FAM227B: variants seen among roughly 807,000 people sequenced by gnomAD.
FAM227B encodes the protein protein FAM227B.
FAM227B carries 88 observed loss-of-function variants against 73.8 expected under a neutral mutation model. That is an observed-to-expected ratio of 1.19 (90% confidence interval 1.00 to 1.42). The LOEUF (loss-of-function observed/expected upper bound fraction) is 1.42. Among genes scored for constraint, FAM227B ranks in the 40% most tolerant of loss-of-function variants. The probability of loss-of-function intolerance (pLI) is 0.00; values close to 1 mark genes in which losing one functional copy is unlikely to be tolerated. For synonymous variants in FAM227B, 210 were observed against 190.5 expected, an observed-to-expected ratio of 1.10 and a Z score of -0.84; for missense variants, 632 against 590.9, an observed-to-expected ratio of 1.07 and a Z score of -0.72.
intron 11 of FAM227B, among the ~76,000 whole-genome samples, chr15:49,491,164 A>T (rs2057054879): frequency 6.6e-6 from 1 of 151,936 alleles, no homozygotes; most frequent in Non-Finnish European, 1.5e-5. Flanking sequence ...ACATCCATTC[A>T]GATTCATCTC....
intron 10 of FAM227B, among the ~76,000 whole-genome samples, chr15:49,517,951 T>C (rs1278252743): frequency 6.6e-6 from 1 of 152,224 alleles, no homozygotes. Flanking sequence ...AACCATATTG[T>C]TGTATATAGA....
intron 11 of FAM227B, among the ~76,000 whole-genome samples, chr15:49,442,229 A>G (rs990841094): frequency 2.4e-4 from 37 of 151,350 alleles, no homozygotes; most frequent in African/African-American, 8.5e-4. Context: ...TCTATTCACT[A>G]TTTTTCCTAG....
At chr15:49,521,067 T>C (rs11631904) in intron 10 of FAM227B, among the ~76,000 whole-genome samples, 48,119 of 152,092 alleles carry the variant, frequency 0.32, 8,201 homozygotes, top group African/African-American at 0.42. Context: ...AGCCAGATTG[T>C]GCATGTGTGT....
intron 11 of FAM227B, among the ~76,000 whole-genome samples, chr15:49,433,414 A>T (rs2050792541): frequency 6.6e-6 from 1 of 151,708 alleles, no homozygotes; most frequent in African/African-American, 2.4e-5. Flanking sequence ...AGAGGGGAGA[A>T]AGATTAGTGA....
At chr15:49,548,575 T>C (rs1237275023) in intron 9 of FAM227B, among the ~76,000 whole-genome samples, 1 of 152,202 alleles carries the variant, frequency 6.6e-6, no homozygotes, top group African/African-American at 2.4e-5. Context: ...CCTCTCTTTT[T>C]TGGAAATAGT....
chr15:49,465,621 C>G (rs2054202306), intron 11 of FAM227B, among the ~76,000 whole-genome samples: 1 of 151,962 alleles, frequency 6.6e-6, no homozygotes. Context: ...ATTGAAAAAC[C>G]AGAGATATTT....
At chr15:49,397,585 G>C (rs2047778568) in intron 11 of FAM227B, among the ~76,000 whole-genome samples, 1 of 152,076 alleles carries the variant, frequency 6.6e-6, no homozygotes, top group Non-Finnish European at 1.5e-5. Context: ...AAAATGTTAA[G>C]GGCAGCTAGA....
intron 11 of FAM227B, among the ~76,000 whole-genome samples, chr15:49,499,873 A>C (rs2057995276): frequency 6.6e-6 from 1 of 152,206 alleles, no homozygotes; most frequent in Admixed American, 6.5e-5. Flanking sequence ...TAGAGACCTA[A>C]AAGTAAGAGC....
At chr15:49,590,051 A>T in intron 3 of FAM227B, 44 bp from the exon 4 acceptor site, 1 of 978,226 alleles carries the variant, frequency 1.0e-6, no homozygotes. Context: ...AGTCATTTTT[A>T]ATGAATTTAA....
chr15:49,396,730 G>A (rs1024691132), intron 11 of FAM227B, among the ~76,000 whole-genome samples: 1 of 148,918 alleles, frequency 6.7e-6, no homozygotes, highest in Admixed American at 6.7e-5. Flanking sequence ...CCCCCCAGCA[G>A]GGGCACACTG....
rs528002022 is a variant in FAM227B at position 49,444,292 on chromosome 15, TTC to T, written c.1012+63917_1012+63918del. Among the ~76,000 whole-genome samples the T allele has an allele frequency of 1.9e-3, 281 of 151,890 alleles. 2 individuals carry two copies. Among genetic ancestry groups the T allele is most frequent in the African/African-American group, 6.4e-3 (267 of 41,512 alleles). ...ATCCAGCTATTTAGCCCAGTGTTTC[TTC>T]TTTTTAACATTTTAACATTTCAGTA... On this transcript the variant is annotated intron_variant, in intron 11 of 15. Coordinates refer to ENST00000299338, the MANE Select transcript of FAM227B (RefSeq NM_152647.3).
At chr15:49,346,224 A>G (rs2041483686) in intron 13 of FAM227B, among the ~76,000 whole-genome samples, 1 of 152,186 alleles carries the variant, frequency 6.6e-6, no homozygotes, top group Non-Finnish European at 1.5e-5. Context: ...TGAGACCACC[A>G]GCCCTTGAGC....
intron 10 of FAM227B, among the ~76,000 whole-genome samples, chr15:49,534,752 T>C (rs1204429458): frequency 1.3e-5 from 2 of 151,730 alleles, no homozygotes; most frequent in East Asian, 1.9e-4. Context: ...ATATCTAGTA[T>C]TGCTTTCAAC....
chr15:49,381,355 G>A (rs2046521979), intron 11 of FAM227B, among the ~76,000 whole-genome samples: 1 of 152,184 alleles, frequency 6.6e-6, no homozygotes, highest in Non-Finnish European at 1.5e-5. Flanking sequence ...TATATGCCTG[G>A]TGTCCTTTCT....
chr15:49,565,762 G>T (rs1340619292), intron 9 of FAM227B, among the ~76,000 whole-genome samples: 1 of 152,124 alleles, frequency 6.6e-6, no homozygotes, highest in African/African-American at 2.4e-5. Flanking sequence ...TAAGATTAAA[G>T]ATCTTAACTT....
At chr15:49,364,413 G>A (rs1008888101) in intron 13 of FAM227B, among the ~76,000 whole-genome samples, 1 of 152,086 alleles carries the variant, frequency 6.6e-6, no homozygotes, top group African/African-American at 2.4e-5. Flanking sequence ...GATGTTCATA[G>A]TAGTCTTGGA....
At chr15:49,438,721 T>C (rs1347352203) in intron 11 of FAM227B, among the ~76,000 whole-genome samples, 1 of 151,694 alleles carries the variant, frequency 6.6e-6, no homozygotes, top group Non-Finnish European at 1.5e-5. Context: ...TTGACTCTCC[T>C]AGGCCTCAGT....
At chr15:49,406,506 G>A (rs931079724) in intron 11 of FAM227B, among the ~76,000 whole-genome samples, 1 of 151,846 alleles carries the variant, frequency 6.6e-6, no homozygotes, top group Non-Finnish European at 1.5e-5. Context: ...CAGGGTGGGG[G>A]AGGGTCTGCT....
At chr15:49,438,039 T>C (rs1326689684) in intron 11 of FAM227B, among the ~76,000 whole-genome samples, 2 of 151,418 alleles carry the variant, frequency 1.3e-5, no homozygotes, top group Admixed American at 6.6e-5. Context: ...TCCTGGAAAA[T>C]AGTACATGAA....
Sources: allele counts gnomAD v4.1 joint callset (sites outside exome capture counted in the v4.1 genomes callset), GRCh38; gene constraint gnomAD v4.1.1; transcripts MANE v1.5; gene names NCBI Gene and HGNC (gene_info 2026-07-23, HGNC 2026-07-21).